The following GLRB variants were observed in gnomAD, a reference collection of about 807,000 sequenced individuals.
GLRB encodes the protein glycine receptor beta, also known as glycine receptor subunit beta.
A neutral mutation model predicts 54.2 loss-of-function variants in GLRB; 33 were observed. That is an observed-to-expected ratio of 0.61 (90% CI 0.46 to 0.81). The LOEUF (loss-of-function observed/expected upper bound fraction) is 0.81. Among genes scored for constraint, GLRB ranks in the 40% least tolerant of loss-of-function variants. The pLI, the probability that GLRB is intolerant of heterozygous loss-of-function variation, is 0.00. For synonymous variants in GLRB, 209 were observed against 208.2 expected (o/e 1.00, Z -0.03); for missense variants, 572 against 584.6 (o/e 0.98, Z 0.22).
intron 2 of GLRB, among the ~76,000 whole-genome samples, chr4:157,086,661 C>T (rs6837517): frequency 0.045 from 6,878 of 152,064 alleles, 181 homozygotes; most frequent in South Asian, 0.11. Context: ...TCCAAGTTAT[C>T]GAATTAAGAC....
At chr4:157,115,912 A>G (rs941883651) in intron 2 of GLRB, among the ~76,000 whole-genome samples, 1 of 151,818 alleles carries the variant, frequency 6.6e-6, no homozygotes, top group African/African-American at 2.4e-5. Context: ...GACAATTGTC[A>G]TTGCATTTAT....
chr4:157,134,530 T>A (rs992819433), intron 4 of GLRB, among the ~76,000 whole-genome samples: 1 of 151,998 alleles, frequency 6.6e-6, no homozygotes, highest in African/African-American at 2.4e-5. Context: ...AAATAAAGAA[T>A]ACCTATAAGA....
chr4:157,154,369 T>TTTA (rs1737142544), intron 9 of GLRB, among the ~76,000 whole-genome samples: 1 of 151,864 alleles, frequency 6.6e-6, no homozygotes, highest in Non-Finnish European at 1.5e-5. Context: ...TTCTCTATGT[T>TTTA]TTATTTTTCT....
chr4:157,160,980 G>A (rs575271755), intron 9 of GLRB, among the ~76,000 whole-genome samples: 1 of 152,108 alleles, frequency 6.6e-6, no homozygotes, highest in African/African-American at 2.4e-5. Flanking sequence ...TCTCTTTGTA[G>A]GTCTCTAAAG....
At chr4:157,139,658 C>G (rs1372599977) in intron 7 of GLRB, among the ~76,000 whole-genome samples, 1 of 151,874 alleles carries the variant, frequency 6.6e-6, no homozygotes, top group African/African-American at 2.4e-5. Context: ...AGTGTTATTT[C>G]ACTTAGCAAT....
At chr4:157,109,868 C>T (rs780070324) in intron 2 of GLRB, among the ~76,000 whole-genome samples, 6 of 151,950 alleles carry the variant, frequency 3.9e-5, no homozygotes, top group African/African-American at 1.2e-4. Context: ...ATGCACAGAA[C>T]GAGGCATGTG....
Position 157,152,890 on chromosome 4 carries a change from G to T in GLRB, c.1077G>T (p.Arg359Ser). ...VVQVMLNNPK[R>S]VEAEKARIAK... ...AGGTGATGCTGAACAACCCCAAAAG[G>T]GTTGAAGCTGAAAAAGCCAGAATTG... Residue 359 changes from arginine to serine, a missense_variant, in exon 9 of 10, where the codon AGG (arginine) becomes AGT (serine). Coordinates refer to ENST00000264428, the MANE Select transcript of GLRB (RefSeq NM_000824.5). 6.2e-7 allele frequency: 1 copy of T among 1,614,052 alleles called. No homozygotes were observed. The highest frequency in any genetic ancestry group is 1.1e-5 in the South Asian group (1 of 91,074).
intron 2 of GLRB, among the ~76,000 whole-genome samples, chr4:157,078,471 A>G (rs928623963): frequency 2.0e-5 from 3 of 151,996 alleles, no homozygotes; most frequent in Admixed American, 6.6e-5. Flanking sequence ...GGATACTGAT[A>G]TACTGTGTTT....
intron 4 of GLRB, among the ~76,000 whole-genome samples, chr4:157,131,361 A>C (rs1008631278): frequency 6.6e-6 from 1 of 151,784 alleles, no homozygotes; most frequent in African/African-American, 2.4e-5. Context: ...AATTGACAAA[A>C]ATGTCACTTA....
chr4:157,155,733 A>G (rs1737201992), intron 9 of GLRB, among the ~76,000 whole-genome samples: 1 of 152,180 alleles, frequency 6.6e-6, no homozygotes, highest in Non-Finnish European at 1.5e-5. Context: ...TTGGTCGAGT[A>G]GTGATCAGAA....
chr4:157,141,329 T>C (rs1349097189), intron 7 of GLRB, among the ~76,000 whole-genome samples: 1 of 151,930 alleles, frequency 6.6e-6, no homozygotes, highest in Non-Finnish European at 1.5e-5. Flanking sequence ...TATATTTTAA[T>C]GTTTGGATAA....
intron 8 of GLRB, among the ~76,000 whole-genome samples, chr4:157,144,969 A>C (rs1482557578): frequency 3.3e-5 from 5 of 152,218 alleles, no homozygotes; most frequent in African/African-American, 9.6e-5. Flanking sequence ...TTCATCATGG[A>C]TAAAAACTAT....
At chr4:157,101,345 A>G (rs565511349) in intron 2 of GLRB, among the ~76,000 whole-genome samples, 10 of 152,232 alleles carry the variant, frequency 6.6e-5, no homozygotes, top group African/African-American at 2.4e-4. Flanking sequence ...ACAATGTAGT[A>G]TATTCCATAT....
At chr4:157,157,731 G>A (rs1406511076) in intron 9 of GLRB, among the ~76,000 whole-genome samples, 1 of 152,154 alleles carries the variant, frequency 6.6e-6, no homozygotes, top group Non-Finnish European at 1.5e-5. Flanking sequence ...TCTTAATCCA[G>A]TCTATCATTG....
chr4:157,165,033 A>G (rs1737657198), intron 9 of GLRB, among the ~76,000 whole-genome samples: 1 of 152,158 alleles, frequency 6.6e-6, no homozygotes, highest in African/African-American at 2.4e-5. Context: ...CGAGAGATGC[A>G]TAGAGTTAAG....
chr4:157,084,077 A>G (rs1734321660), intron 2 of GLRB, among the ~76,000 whole-genome samples: 1 of 152,146 alleles, frequency 6.6e-6, no homozygotes, highest in African/African-American at 2.4e-5. Context: ...AGATTTTTTT[A>G]TTGAATAACA....
intron 7 of GLRB, among the ~76,000 whole-genome samples, chr4:157,140,915 A>G (rs1460317063): frequency 1.3e-5 from 2 of 151,930 alleles, no homozygotes; most frequent in African/African-American, 4.8e-5. Flanking sequence ...ATTATATAAT[A>G]GCTTTGAAAG....
chr4:157,121,997 G>T (rs1255334618), intron 3 of GLRB, among the ~76,000 whole-genome samples: 2 of 150,544 alleles, frequency 1.3e-5, no homozygotes, highest in East Asian at 2.0e-4. Context: ...ATAATTTGTA[G>T]TTCCTTAAAG....
At chr4:157,108,566 T>TCA (rs1399375997) in intron 2 of GLRB, among the ~76,000 whole-genome samples, 4 of 152,132 alleles carry the variant, frequency 2.6e-5, no homozygotes, top group African/African-American at 9.7e-5. Context: ...TGTTGCAATT[T>TCA]CATGATAAAA....
Sources: gnomAD v4.1 joint callset for allele counts (sites outside exome capture counted in the v4.1 genomes callset) on GRCh38, gnomAD v4.1.1 for gene constraint, MANE v1.5 for transcripts, NCBI Gene and HGNC (gene_info 2026-07-23, HGNC 2026-07-21) for gene names.